The following TBC1D23 variants were observed in gnomAD, a reference collection of about 807,000 sequenced individuals.
The protein encoded by TBC1D23 is TBC1 domain family member 23, also known as HCV non-structural protein 4A-transactivated protein 1.
In TBC1D23, 55 loss-of-function variants were observed where a neutral mutation model predicts 91.4. The observed-to-expected ratio is 0.60, with a 90% confidence interval of 0.48 to 0.75. TBC1D23 has a LOEUF of 0.75. Among genes scored for constraint, TBC1D23 ranks in the 30% least tolerant of loss-of-function variants. The pLI is 0.00. For synonymous variants in TBC1D23, 289 were observed against 281.0 expected, an observed-to-expected ratio of 1.03 and a Z score of -0.28; for missense variants, 725 against 836.1, an observed-to-expected ratio of 0.87 and a Z score of 1.64.
At chr3:100,321,201 C>A (rs910476298) in intron 18 of TBC1D23, among the ~76,000 whole-genome samples, 2 of 152,044 alleles carry the variant, frequency 1.3e-5, no homozygotes, top group African/African-American at 4.8e-5. Context: ...AGTTTCTGAC[C>A]CAAGGATCCT....
At position 100,310,507 on chromosome 3, in the gene TBC1D23, C is replaced by T. The variant is rs748159443; in HGVS notation, c.1518C>T (p.Ile506=). Residue 506 remains isoleucine (I), a synonymous_variant, in exon 14 of 19, where the codon ATC becomes ATT. Transcript: ENST00000394144. The part of the protein sequence containing the change: ...TKSVNVREKV[I]SFIENTSTPV... ...CCGTTAATGTCAGGGAAAAAGTTAT[C>T]AGTTTTATAGAGAATACATCAACTC... 10 of 1,613,512 alleles carry T rather than the reference C, an allele frequency of 6.2e-6. No individual in the cohort carries two copies. In the South Asian group the frequency reaches 1.1e-4, roughly 18 times the overall value.
intron 5 of TBC1D23, among the ~76,000 whole-genome samples, chr3:100,291,101 GA>G (rs2067786163): frequency 6.6e-6 from 1 of 152,104 alleles, no homozygotes; most frequent in African/African-American, 2.4e-5. Context: ...CAGTCACAAG[GA>G]AAATGACTTA....
chr3:100,282,870 T>TA (rs1262856022), intron 3 of TBC1D23, among the ~76,000 whole-genome samples: 5 of 152,234 alleles, frequency 3.3e-5, no homozygotes, highest in Non-Finnish European at 7.3e-5. Context: ...TATCTTTACC[T>TA]ATCCCTTTAA....
chr3:100,296,206 A>G lies in TBC1D23; in HGVS notation c.807A>G (p.Ile269Met). The change falls in exon 8 of 19, where the codon ATA (isoleucine) becomes ATG (methionine). Residue 269 changes from isoleucine (I) to methionine (M), a missense_variant. Ile to Met is a conservative substitution (Grantham distance 10). Coordinates refer to ENST00000394144, the MANE Select transcript of TBC1D23 (RefSeq NM_001199198.3). Reference protein sequence around the residue: ...FLENTPSSLNIEDIEDLFSLA... With the variant: ...FLENTPSSLNMEDIEDLFSLA... ...AAAATACTCCATCCAGTCTGAATAT[A>G]GAAGATATAGAAGACCTTTTCTCTC... The G allele has an allele frequency of 6.2e-7, 1 of 1,600,432 alleles. No homozygotes were observed. Among genetic ancestry groups the G allele is most frequent in the Non-Finnish European group, 8.5e-7 (1 of 1,173,654 alleles).
chr3:100,269,337 A>G (rs920516086), intron 1 of TBC1D23, among the ~76,000 whole-genome samples: 3 of 152,216 alleles, frequency 2.0e-5, no homozygotes, highest in Non-Finnish European at 4.4e-5. Context: ...AAAATTTTAC[A>G]AATTGTTTAA....
rs1231307017 is a variant in TBC1D23, at chr3:100,324,845, T to C, written c.*1177T>C. ...GTTGCAATACCCACAATCTGACATG[T>C]CCTAAAATGTAAGGGATTATCTCTA... On this transcript the variant is annotated 3_prime_UTR_variant, in exon 19 of 19. Coordinates refer to ENST00000394144, the MANE Select transcript of TBC1D23 (RefSeq NM_001199198.3). 4.6e-5 allele frequency: 7 copies of C among 152,216 alleles called. No individual in the cohort carries two copies. Among genetic ancestry groups the C allele is most frequent in the African/African-American group, 1.7e-4 (7 of 41,448 alleles). The allele number at this position is 152,216 out of a possible 1,614,324, so 9.4% of individuals were successfully genotyped here.
chr3:100,275,502 G>T (rs970780146), intron 1 of TBC1D23, among the ~76,000 whole-genome samples: 1 of 152,110 alleles, frequency 6.6e-6, no homozygotes, highest in Non-Finnish European at 1.5e-5. Context: ...TGCCCAGGCT[G>T]GTCTCAAACT....
At chr3:100,280,864 G>A (rs1323666572) in intron 2 of TBC1D23, among the ~76,000 whole-genome samples, 1 of 152,118 alleles carries the variant, frequency 6.6e-6, no homozygotes, top group African/African-American at 2.4e-5. Flanking sequence ...ACGTTTAAAA[G>A]AATGGTAATT....
chr3:100,282,301 ACT>A (rs2067701975), intron 3 of TBC1D23, among the ~76,000 whole-genome samples: 1 of 152,120 alleles, frequency 6.6e-6, no homozygotes, highest in Non-Finnish European at 1.5e-5. Flanking sequence ...ACAGAGTGAG[ACT>A]CTATCTCAAA....
At chr3:100,263,102 A>G (rs1224241051) in intron 1 of TBC1D23, among the ~76,000 whole-genome samples, 1 of 152,148 alleles carries the variant, frequency 6.6e-6, no homozygotes, top group Non-Finnish European at 1.5e-5. Context: ...CCGAAAAGAG[A>G]GTCAGCGAAG....
At chr3:100,318,251 A>G (rs1488436481) in intron 16 of TBC1D23, among the ~76,000 whole-genome samples, 1 of 152,134 alleles carries the variant, frequency 6.6e-6, no homozygotes, top group African/African-American at 2.4e-5. Flanking sequence ...TAGAGACTGT[A>G]TTATCCCTTT....
rs1176198867 is a variant in TBC1D23 at position 100,295,157 on chromosome 3, A to C, written c.671A>C (p.Gln224Pro). Residue 224 changes from glutamine (Q) to proline (P), a missense_variant, in exon 6 of 19, where the codon CAA becomes CCA. Coordinates refer to ENST00000394144, the MANE Select transcript of TBC1D23 (RefSeq NM_001199198.3). ...GCAATATGGGATGGATATCTACAAC[A>C]AGCAGATCCATTTTTTATTTATTTC... ...TQAIWDGYLQ[Q>P]ADPFFIYFLM... 3.1e-6 allele frequency: 5 copies of C among 1,605,192 alleles called. No homozygotes were observed. The highest frequency in any genetic ancestry group is 4.3e-6 in the Non-Finnish European group (5 of 1,175,664).
At chr3:100,261,698 C>G (rs986071954) in intron 1 of TBC1D23, among the ~76,000 whole-genome samples, 1 of 152,176 alleles carries the variant, frequency 6.6e-6, no homozygotes, top group African/African-American at 2.4e-5. Flanking sequence ...TTTGCTCTTA[C>G]TGCACCCAAG....
rs747606129 is a variant in TBC1D23, at chr3:100,299,250, G to C, written c.1011G>C (p.Arg337=). The C allele has an allele frequency of 1.2e-6, 2 of 1,611,576 alleles. No individual in the cohort carries two copies. Among genetic ancestry groups the C allele is most frequent in the Admixed American group, 3.3e-5 (2 of 59,850 alleles). ...TGTTTCCGTTTTAGGAAGGAGTCCG[G>C]TTCTTTGTGGTGGATTGCCGTCCTG... The part of the protein sequence containing the change: ...QANQLQGEGV[R]FFVVDCRPAE... Residue 337 remains arginine, a synonymous_variant, in exon 10 of 19, where the codon CGG becomes CGC. Coordinates refer to ENST00000394144, the MANE Select transcript of TBC1D23 (RefSeq NM_001199198.3).
At chr3:100,264,293 C>T (rs2067540584) in intron 1 of TBC1D23, among the ~76,000 whole-genome samples, 1 of 151,068 alleles carries the variant, frequency 6.6e-6, no homozygotes, top group South Asian at 2.1e-4. Flanking sequence ...TCTTTCTCTC[C>T]CCTCCCCCTC....
Position 100,324,765 on chromosome 3 carries a change from G to A in TBC1D23, c.*1097G>A, listed in dbSNP as rs1312914081. 1.3e-5 allele frequency: 2 copies of A among 152,180 alleles called. No individual in the cohort carries two copies. The highest frequency in any genetic ancestry group is 1.5e-5 in the Non-Finnish European group (1 of 68,020). The allele number at this position is 152,180 out of a possible 1,614,324, so 9.4% of individuals were successfully genotyped here. On this transcript the variant is annotated 3_prime_UTR_variant, in exon 19 of 19. Coordinates refer to ENST00000394144, the MANE Select transcript of TBC1D23 (RefSeq NM_001199198.3). ...ATATTAGACACATTTGGTAAGAGAA[G>A]TCCAGGAACACATTTAGGGCCATGG...
intron 11 of TBC1D23, among the ~76,000 whole-genome samples, chr3:100,303,230 A>G (rs1055957124): frequency 9.8e-5 from 15 of 152,298 alleles, no homozygotes; most frequent in South Asian, 4.1e-4. Context: ...GATGGTAGGC[A>G]TGGTACACAA....
chr3:100,306,328 C>T (rs1459916265), intron 12 of TBC1D23, 109 bp from the exon 13 acceptor site: 1 of 633,402 alleles, frequency 1.6e-6, no homozygotes, highest in Non-Finnish European at 2.8e-6. Flanking sequence ...TTATTTCCTT[C>T]AGTCCTTTTT....
chr3:100,306,666 T>TC (rs1705523355), intron 13 of TBC1D23, 123 bp downstream of exon 13: 1 of 574,280 alleles, frequency 1.7e-6, no homozygotes, highest in Non-Finnish European at 3.2e-6. Context: ...CAATGAAGAG[T>TC]CATATTATTG....
Sources: gnomAD v4.1 joint callset for allele counts (sites outside exome capture counted in the v4.1 genomes callset) on GRCh38, gnomAD v4.1.1 for gene constraint, MANE v1.5 for transcripts, NCBI Gene and HGNC (gene_info 2026-07-23, HGNC 2026-07-21) for gene names.